PCDH9: variants seen among roughly 807,000 people sequenced by gnomAD.
The protein encoded by PCDH9 is protocadherin-9.
In PCDH9, 24 loss-of-function variants were observed where a neutral mutation model predicts 70.6. The ratio of observed to expected loss-of-function variants is 0.34; its 90% CI spans 0.25 to 0.48. PCDH9 has a LOEUF of 0.48. Ranked by LOEUF, PCDH9 falls within the 20% of genes least tolerant of loss-of-function variation. The pLI is 0.99. For missense variants in PCDH9, 1,281 were observed against 1,503.6 expected (o/e 0.85, Z 2.45); for synonymous variants, 562 against 558.5 (o/e 1.01, Z -0.09).
chr13:66,455,514 A>G (rs954855902), intron 4 of PCDH9, among the ~76,000 whole-genome samples: 2 of 152,070 alleles, frequency 1.3e-5, no homozygotes, highest in African/African-American at 4.8e-5. Context: ...AACATTTTAG[A>G]ATCCCAATAA....
intron 4 of PCDH9, among the ~76,000 whole-genome samples, chr13:66,402,023 AT>A (rs1216419879): frequency 6.6e-6 from 1 of 152,180 alleles, no homozygotes; most frequent in African/African-American, 2.4e-5. Context: ...TGACCAAGTG[AT>A]CCACTTATGG....
At chr13:66,317,700 T>G (rs925604775) in intron 4 of PCDH9, among the ~76,000 whole-genome samples, 6 of 151,994 alleles carry the variant, frequency 3.9e-5, no homozygotes, top group Non-Finnish European at 7.4e-5. Context: ...ATTTAGTCCT[T>G]TGATACAGGT....
At chr13:67,110,109 A>G (rs2086625362) in intron 2 of PCDH9, among the ~76,000 whole-genome samples, 2 of 152,186 alleles carry the variant, frequency 1.3e-5, no homozygotes, top group Admixed American at 6.5e-5. Context: ...AGGAACATCT[A>G]AGTAAGCTGA....
chr13:66,556,833 T>C (rs2138693968), intron 4 of PCDH9, among the ~76,000 whole-genome samples: 1 of 152,176 alleles, frequency 6.6e-6, no homozygotes, highest in Non-Finnish European at 1.5e-5. Flanking sequence ...GTACATTATT[T>C]CATAACAAAA....
chr13:66,752,678 T>C (rs1367528529), intron 3 of PCDH9, among the ~76,000 whole-genome samples: 1 of 152,192 alleles, frequency 6.6e-6, no homozygotes. Context: ...TCATACAGAA[T>C]TAACCAGAGA....
At chr13:66,450,148 GTTTAT>G (rs1399952420) in intron 4 of PCDH9, among the ~76,000 whole-genome samples, 2 of 152,106 alleles carry the variant, frequency 1.3e-5, no homozygotes, top group Admixed American at 1.3e-4. Context: ...GTAGCCATCA[GTTTAT>G]TTTATTTATG....
intron 4 of PCDH9, among the ~76,000 whole-genome samples, chr13:66,572,053 T>C (rs1038591783): frequency 6.6e-6 from 1 of 152,128 alleles, no homozygotes; most frequent in Non-Finnish European, 1.5e-5. Flanking sequence ...TGAATTCTCT[T>C]AAACTTATGA....
At chr13:66,463,510 C>G (rs1215604447) in intron 4 of PCDH9, among the ~76,000 whole-genome samples, 1 of 151,746 alleles carries the variant, frequency 6.6e-6, no homozygotes, top group African/African-American at 2.4e-5. Flanking sequence ...CAAGGTCTGT[C>G]AAACAGGATT....
At chr13:66,793,176 G>A (rs914384851) in intron 3 of PCDH9, among the ~76,000 whole-genome samples, 2 of 151,962 alleles carry the variant, frequency 1.3e-5, no homozygotes, top group African/African-American at 2.4e-5. Flanking sequence ...GTCATTAGAT[G>A]TAAAACCTGG....
intron 4 of PCDH9, among the ~76,000 whole-genome samples, chr13:66,535,501 C>G (rs1432675027): frequency 6.6e-6 from 1 of 151,960 alleles, no homozygotes; most frequent in Non-Finnish European, 1.5e-5. Flanking sequence ...CCACTAAATA[C>G]CAGGTGTGAG....
At chr13:66,810,234 TC>T (rs1233815662) in intron 3 of PCDH9, among the ~76,000 whole-genome samples, 1 of 152,110 alleles carries the variant, frequency 6.6e-6, no homozygotes, top group Non-Finnish European at 1.5e-5. Flanking sequence ...GAATTTAATA[TC>T]CTTTTTGAAA....
At chr13:66,832,950 A>G (rs2080954303) in intron 3 of PCDH9, among the ~76,000 whole-genome samples, 5 of 152,108 alleles carry the variant, frequency 3.3e-5, no homozygotes, top group Admixed American at 3.3e-4. Context: ...ACATGCCCCA[A>G]ATTGCTCTGG....
chr13:66,387,862 C>T (rs76608623), intron 4 of PCDH9, among the ~76,000 whole-genome samples: 10,319 of 152,214 alleles, frequency 0.068, 467 homozygotes, highest in Non-Finnish European at 0.1. Context: ...GTTCCATTTA[C>T]ACCTCAGTCT....
At chr13:67,093,149 G>C (rs1405717372) in intron 2 of PCDH9, among the ~76,000 whole-genome samples, 1 of 152,096 alleles carries the variant, frequency 6.6e-6, no homozygotes, top group East Asian at 1.9e-4. Flanking sequence ...AATTTGATTA[G>C]TTTGTCTTTA....
intron 3 of PCDH9, among the ~76,000 whole-genome samples, chr13:66,809,547 T>C (rs114296142): frequency 0.01 from 1,540 of 152,294 alleles, 25 homozygotes; most frequent in African/African-American, 0.035. Flanking sequence ...TCTCTCCCTA[T>C]GGCTTGGATA....
intron 2 of PCDH9, among the ~76,000 whole-genome samples, chr13:66,917,399 T>C (rs2139635020): frequency 6.6e-6 from 1 of 151,622 alleles, no homozygotes; most frequent in East Asian, 1.9e-4. Context: ...CACCATATTC[T>C]AGAAACATTT....
At chr13:67,153,592 T>C (rs1435119935) in intron 2 of PCDH9, among the ~76,000 whole-genome samples, 4 of 152,252 alleles carry the variant, frequency 2.6e-5, no homozygotes, top group Non-Finnish European at 5.9e-5. Flanking sequence ...ATAACATCTA[T>C]GGATGTCGTT....
chr13:67,084,997 A>ATATATATAT (rs1375127521), intron 2 of PCDH9, among the ~76,000 whole-genome samples: 2 of 33,192 alleles, frequency 6.0e-5, no homozygotes, highest in Non-Finnish European at 1.0e-4. Context: ...AAAAAAAAAA[A>ATATATATAT]ATATATATAT....
chr13:66,495,208 TA>T (rs1409807216), intron 4 of PCDH9, among the ~76,000 whole-genome samples: 2 of 152,158 alleles, frequency 1.3e-5, no homozygotes, highest in Non-Finnish European at 2.9e-5. Flanking sequence ...GGCAAACAAT[TA>T]GAGATTTTTG....
Sources: gnomAD v4.1 joint callset for allele counts (sites outside exome capture counted in the v4.1 genomes callset) on GRCh38, gnomAD v4.1.1 for gene constraint, MANE v1.5 for transcripts, NCBI Gene and HGNC (gene_info 2026-07-23, HGNC 2026-07-21) for gene names.